Variants in CACNA1E observed in about 807,000 individuals in gnomAD.
CACNA1E encodes the protein voltage-dependent R-type calcium channel subunit alpha-1E.
CACNA1E carries 40 observed loss-of-function variants against 259.2 expected under a neutral mutation model. That is an observed-to-expected ratio of 0.15 (90% CI 0.12 to 0.20). CACNA1E has a LOEUF of 0.20. Among genes scored for constraint, CACNA1E ranks in the 10% least tolerant of loss-of-function variants. The pLI is 1.00. For missense variants in CACNA1E, 1,874 were observed against 3,040.1 expected, an observed-to-expected ratio of 0.62 and a Z score of 9.02; for synonymous variants, 1,104 against 1,138.5, an observed-to-expected ratio of 0.97 and a Z score of 0.61.
intron 6 of CACNA1E, among the ~76,000 whole-genome samples, chr1:181,631,593 G>A (rs1656747295): frequency 6.6e-6 from 1 of 152,154 alleles, no homozygotes; most frequent in Non-Finnish European, 1.5e-5. Context: ...GAAGGAGAGG[G>A]CGTTGTTGCA....
chr1:181,560,385 T>C (rs1649200500), intron 3 of CACNA1E, among the ~76,000 whole-genome samples: 2 of 151,986 alleles, frequency 1.3e-5, no homozygotes, highest in Non-Finnish European at 1.5e-5. Context: ...TATTTCCTTC[T>C]AGTCTTTTTT....
At chr1:181,425,993 A>T (rs1033621328) in intron 2 of CACNA1E, among the ~76,000 whole-genome samples, 2 of 152,114 alleles carry the variant, frequency 1.3e-5, no homozygotes, top group Non-Finnish European at 2.9e-5. Flanking sequence ...GGTGATGAGG[A>T]ACCTGCAACC....
chr1:181,469,593 G>A (rs775761801), intron 2 of CACNA1E, among the ~76,000 whole-genome samples: 1 of 152,200 alleles, frequency 6.6e-6, no homozygotes, highest in Non-Finnish European at 1.5e-5. Flanking sequence ...AGGTTTGGAA[G>A]TCTTCTGGAT....
In CACNA1E at chr1:181,763,387, T is replaced by C. The variant is rs1311777569; in HGVS notation, c.4690-19T>C. ...TCACCATAATGTTCCTAATTATATG[T>C]TTCCTTTTGGTCCACCAGCTGGTGA... On this transcript the variant is annotated intron_variant, in intron 33 of 47. Coordinates refer to ENST00000367573, the MANE Select transcript of CACNA1E (RefSeq NM_001205293.3). 2 of 1,557,922 alleles carry C rather than the reference T, an allele frequency of 1.3e-6. No homozygotes were observed. Among genetic ancestry groups the C allele is most frequent in the Non-Finnish European group, 1.7e-6 (2 of 1,143,946 alleles).
chr1:181,503,412 C>T (rs1665435318), intron 1 of CACNA1E, among the ~76,000 whole-genome samples: 2 of 152,252 alleles, frequency 1.3e-5, no homozygotes, highest in African/African-American at 4.8e-5. Flanking sequence ...CCATCAGCTT[C>T]ATAAATCCTC....
At chr1:181,796,618 T>G (rs971738684) in intron 46 of CACNA1E, 50 bp from the exon 47 acceptor site, 1 of 1,352,574 alleles carries the variant, frequency 7.4e-7, no homozygotes, top group African/African-American at 1.5e-5. Flanking sequence ...TCATCATCAT[T>G]GGTCAGAGTG....
intron 1 of CACNA1E, among the ~76,000 whole-genome samples, chr1:181,501,359 G>C (rs1572032435): frequency 6.6e-6 from 1 of 152,230 alleles, no homozygotes; most frequent in East Asian, 1.9e-4. Flanking sequence ...GATGAGTCTG[G>C]AACTGACCTC....
At chr1:181,464,213 T>C (rs966582566) in intron 2 of CACNA1E, among the ~76,000 whole-genome samples, 1 of 152,200 alleles carries the variant, frequency 6.6e-6, no homozygotes, top group African/African-American at 2.4e-5. Flanking sequence ...TGGCTCTTTA[T>C]TCATCATATG....
At chr1:181,778,074 T>G (rs567278462) in intron 38 of CACNA1E, among the ~76,000 whole-genome samples, 3 of 152,334 alleles carry the variant, frequency 2.0e-5, no homozygotes, top group Admixed American at 2.0e-4. Context: ...ACGTGTGGAC[T>G]GGGAAAGAGC....
chr1:181,640,305 G>C (rs1369201976), intron 6 of CACNA1E, among the ~76,000 whole-genome samples: 1 of 152,186 alleles, frequency 6.6e-6, no homozygotes, highest in Non-Finnish European at 1.5e-5. Flanking sequence ...ATGTAGGACT[G>C]ACGTTTCATT....
rs573738365 is a variant in CACNA1E, at chr1:181,792,938, G to A, written c.5899-727G>A. On this transcript the variant is annotated intron_variant, in intron 44 of 47. Coordinates refer to ENST00000367573, the MANE Select transcript of CACNA1E (RefSeq NM_001205293.3). ...AAACAATAGCTCTTAGCCACATGTGGCTAGTCCAAATAAAATATAAACTAT... is the reference window on the plus strand; with the variant it reads ...AAACAATAGCTCTTAGCCACATGTGACTAGTCCAAATAAAATATAAACTAT... Among the ~76,000 whole-genome samples, 133 of 152,226 alleles carry A rather than the reference G, an allele frequency of 8.7e-4. 1 individual carries two copies. Among genetic ancestry groups the A allele is most frequent in the Non-Finnish European group, 1.6e-3 (112 of 67,998 alleles).
At chr1:181,321,730 G>T (rs185122335) in intron 1 of CACNA1E, among the ~76,000 whole-genome samples, 8 of 152,264 alleles carry the variant, frequency 5.3e-5, no homozygotes, top group East Asian at 1.9e-4. Context: ...CAGCATGGCT[G>T]GGGGGAAAGG....
chr1:181,393,559 G>A (rs898586426), intron 1 of CACNA1E, among the ~76,000 whole-genome samples: 2 of 152,188 alleles, frequency 1.3e-5, no homozygotes, highest in Non-Finnish European at 2.9e-5. Context: ...CCAGGCTCAA[G>A]CGATCCTCCC....
intron 1 of CACNA1E, among the ~76,000 whole-genome samples, chr1:181,409,563 C>CTCAAGGAAT (rs1657699452): frequency 6.6e-6 from 1 of 152,176 alleles, no homozygotes; most frequent in East Asian, 1.9e-4. Flanking sequence ...AATTGTTGAT[C>CTCAAGGAAT]TCAAGGAATT....
chr1:181,479,124 C>A (rs993571728), upstream of CACNA1E, among the ~76,000 whole-genome samples: 1 of 152,184 alleles, frequency 6.6e-6, no homozygotes, highest in African/African-American at 2.4e-5. Flanking sequence ...ATTTGGTAAC[C>A]CCATCTTAAC....
chr1:181,427,254 ACCCATCTCAACCTCTGC>A (rs1659350624), intron 2 of CACNA1E, among the ~76,000 whole-genome samples: 1 of 137,234 alleles, frequency 7.3e-6, no homozygotes, highest in Non-Finnish European at 1.6e-5. Flanking sequence ...CTCAACCCTC[ACCCATCTCAACCTCTGC>A]CCCATCTCAA....
At chr1:181,380,433 T>C (rs1375817734) in intron 1 of CACNA1E, among the ~76,000 whole-genome samples, 1 of 152,050 alleles carries the variant, frequency 6.6e-6, no homozygotes, top group Non-Finnish European at 1.5e-5. Context: ...ATCAATTACA[T>C]AGAAAACAGA....
intron 1 of CACNA1E, among the ~76,000 whole-genome samples, chr1:181,326,334 C>T (rs1193936736): frequency 1.3e-5 from 2 of 152,208 alleles, no homozygotes; most frequent in Non-Finnish European, 2.9e-5. Flanking sequence ...GCAAATATTT[C>T]TGACGATATC....
intron 1 of CACNA1E, among the ~76,000 whole-genome samples, chr1:181,331,874 G>A (rs939118348): frequency 2.0e-5 from 3 of 152,068 alleles, no homozygotes; most frequent in African/African-American, 7.2e-5. Context: ...CAGGTTTGTC[G>A]AAGATCAGAT....
Sources: allele counts gnomAD v4.1 joint callset (sites outside exome capture counted in the v4.1 genomes callset), GRCh38; gene constraint gnomAD v4.1.1; transcripts MANE v1.5; gene names NCBI Gene and HGNC (gene_info 2026-07-23, HGNC 2026-07-21).